The following NUP214 variants were observed in gnomAD, a reference collection of about 807,000 sequenced individuals.
The protein encoded by NUP214 is nucleoporin 214, also known as nuclear pore complex protein Nup214.
A neutral mutation model predicts 196.2 loss-of-function variants in NUP214; 79 were observed. The ratio of observed to expected loss-of-function variants is 0.40; its 90% CI spans 0.34 to 0.49. The LOEUF is 0.49. NUP214 is among the 20% of genes least tolerant of loss of function. The pLI, the probability that NUP214 is intolerant of heterozygous loss-of-function variation, is 0.58. For synonymous variants in NUP214, 1,020 were observed against 990.5 expected (o/e 1.03, Z -0.56); for missense variants, 2,468 against 2,539.0 (o/e 0.97, Z 0.60).
At chr9:131,205,874 G>C (rs1834062734) in intron 30 of NUP214, among the ~76,000 whole-genome samples, 1 of 152,090 alleles carries the variant, frequency 6.6e-6, no homozygotes, top group South Asian at 2.1e-4. Flanking sequence ...GTAGAGACAG[G>C]GTTTCGCCAT....
At chr9:131,150,162 C>T (rs867434370) in intron 14 of NUP214, 162 bp from the exon 15 acceptor site, 8 of 629,752 alleles carry the variant, frequency 1.3e-5, no homozygotes, top group South Asian at 9.4e-5. Flanking sequence ...CTGTCTAGAA[C>T]ATGCCTTACA....
rs148604990 is a variant in NUP214 at position 131,154,037 on chromosome 9, A to T, written c.2436+2143A>T. Among the ~76,000 whole-genome samples the T allele has an allele frequency of 8.5e-5, 13 of 152,362 alleles. No individual in the cohort carries two copies. In the East Asian group the frequency reaches 2.5e-3, roughly 29 times the overall value. The stretch of plus-strand genomic sequence containing the variant: ...ACAATTGGGAGGGCATTCCAAAGAA[A>T]CAGCAGCAGCTAACGCAGAGGTGTG... On this transcript the variant is annotated intron_variant, in intron 17 of 35. Transcript: ENST00000359428.
Position 131,198,759 on chromosome 9 carries a change from C to G in NUP214, c.5265C>G (p.Ala1755=). ...FSQPGFSSVP[A]FGQPASSTPT... ...AGCCTGGGTTCAGTTCCGTGCCTGC[C>G]TTCGGTCAGCCTGCTTCCTCCACTC... Residue 1755 remains alanine (A), a synonymous_variant, in exon 29 of 36, where the codon GCC becomes GCG. Transcript: ENST00000359428. 6.2e-7 allele frequency: 1 copy of G among 1,614,252 alleles called. No homozygotes were observed. Among genetic ancestry groups the G allele is most frequent in the Non-Finnish European group, 8.5e-7 (1 of 1,180,040 alleles).
chr9:131,180,948 A>T (rs1833260756), intron 24 of NUP214, among the ~76,000 whole-genome samples: 1 of 152,244 alleles, frequency 6.6e-6, no homozygotes, highest in African/African-American at 2.4e-5. Context: ...AGACCAAAAA[A>T]ACTAACAGAC....
intron 28 of NUP214, among the ~76,000 whole-genome samples, chr9:131,196,025 T>TCCCTCTCCCCCC (rs1554737949): frequency 2.7e-4 from 1 of 3,668 alleles, no homozygotes; most frequent in African/African-American, 6.6e-4. Context: ...ACTCTGTGTG[T>TCCCTCTCCCCCC]CCCCCCCCCC....
At chr9:131,171,547 CTTTTTTTT>C (rs11334591) in intron 21 of NUP214, among the ~76,000 whole-genome samples, 14 of 127,350 alleles carry the variant, frequency 1.1e-4, no homozygotes, top group African/African-American at 3.0e-4. Flanking sequence ...GGAAGATTTT[CTTTTTTTT>C]TTTTTTTTTT....
At chr9:131,209,917 G>C (rs1456852798) in intron 30 of NUP214, among the ~76,000 whole-genome samples, 1 of 151,746 alleles carries the variant, frequency 6.6e-6, no homozygotes, top group Non-Finnish European at 1.5e-5. Context: ...ACTTCCTCTT[G>C]CCTCCCACCT....
intron 11 of NUP214, among the ~76,000 whole-genome samples, 164 bp downstream of exon 11, chr9:131,140,874 A>G (rs1434039866): frequency 2.0e-5 from 3 of 152,086 alleles, no homozygotes; most frequent in Admixed American, 6.5e-5. Context: ...GCATGTACAT[A>G]TTTGCCTTCC....
At chr9:131,130,425 A>G (rs1426652716) in intron 4 of NUP214, among the ~76,000 whole-genome samples, 5 of 151,846 alleles carry the variant, frequency 3.3e-5, no homozygotes, top group African/African-American at 9.7e-5. Flanking sequence ...GATTACAGGC[A>G]TGAGCCACTG....
Position 131,222,999 on chromosome 9 carries a change from G to A in NUP214, c.5902+69G>A, listed in dbSNP as rs976718963. The A allele has an allele frequency of 1.1e-4, 164 of 1,476,918 alleles. 2 individuals carry two copies. The highest frequency in any genetic ancestry group is 1.4e-4 in the Non-Finnish European group (155 of 1,074,292). The allele number at this position is 1,476,918 out of a possible 1,614,324, so 91.5% of individuals were successfully genotyped here. A position where few individuals can be genotyped will look rare whatever the true frequency, so the allele number is the denominator to read the frequency against. ...TTGTTTATGCATAGATATCTGGAAG[G>A]AGACATCTCTAGGGTGGTTATCTTA... On this transcript the variant is annotated intron_variant, in intron 32 of 35. Transcript: ENST00000359428.
At position 131,197,744 on chromosome 9, in the gene NUP214, C is replaced by T. The variant is rs866952052; in HGVS notation, c.4250C>T (p.Thr1417Ile). 2.5e-6 allele frequency: 4 copies of T among 1,614,228 alleles called. No homozygotes were observed. In the South Asian group the frequency reaches 3.3e-5, roughly 13 times the overall value. ...STAVFGSLPV[T>I]SAGSSGVISF... Reference sequence around the variant, plus strand: ...GCCGTTTTTGGCAGTCTGCCAGTCACCAGTGCAGGATCCTCTGGGGTCATC... The same window carrying T: ...GCCGTTTTTGGCAGTCTGCCAGTCATCAGTGCAGGATCCTCTGGGGTCATC... The change falls in exon 29 of 36, where the codon ACC becomes ATC. Residue 1417 changes from threonine (T) to isoleucine (I), a missense_variant. Thr to Ile is a moderately conservative substitution (Grantham distance 89). Coordinates refer to ENST00000359428, the MANE Select transcript of NUP214 (RefSeq NM_005085.4).
At chr9:131,128,211 G>A (rs1831422344) in intron 2 of NUP214, 121 bp from the exon 3 acceptor site, 2 of 663,052 alleles carry the variant, frequency 3.0e-6, no homozygotes, top group African/African-American at 1.8e-5. Context: ...GTATAACTAG[G>A]TATTGGGGTG....
intron 31 of NUP214, among the ~76,000 whole-genome samples, chr9:131,221,852 C>G (rs1447407083): frequency 6.6e-6 from 1 of 151,366 alleles, no homozygotes; most frequent in African/African-American, 2.4e-5. Flanking sequence ...GCCCACCCCC[C>G]CCAAAAAAAG....
At chr9:131,221,456 A>T (rs1238223429) in intron 31 of NUP214, among the ~76,000 whole-genome samples, 2 of 152,220 alleles carry the variant, frequency 1.3e-5, no homozygotes, top group African/African-American at 4.8e-5. Flanking sequence ...AGAGCATTGC[A>T]TCTGGACGTA....
chr9:131,229,891 C>A, intron 33 of NUP214: 1 of 412,920 alleles, frequency 2.4e-6, no homozygotes, highest in Non-Finnish European at 4.7e-6. Context: ...GATTCTTGCC[C>A]CCAGGTGCTG....
intron 5 of NUP214, among the ~76,000 whole-genome samples, chr9:131,131,692 ATTT>A (rs1289872801): frequency 6.6e-6 from 1 of 151,048 alleles, no homozygotes; most frequent in Non-Finnish European, 1.5e-5. Flanking sequence ...ATTTATTATT[ATTT>A]TTTTTTGAGA....
intron 27 of NUP214, among the ~76,000 whole-genome samples, chr9:131,193,475 A>G (rs1465794602): frequency 6.6e-6 from 1 of 151,808 alleles, no homozygotes; most frequent in African/African-American, 2.4e-5. Context: ...AAAGTAATAC[A>G]TATATTTTTT....
At chr9:131,180,679 C>T (rs1184614310) in intron 24 of NUP214, among the ~76,000 whole-genome samples, 1 of 152,166 alleles carries the variant, frequency 6.6e-6, no homozygotes, top group Non-Finnish European at 1.5e-5. Context: ...TTGCAGTGCT[C>T]CATCGCTTGA....
At chr9:131,181,752 A>G (rs1025570687) in intron 24 of NUP214, among the ~76,000 whole-genome samples, 1 of 152,162 alleles carries the variant, frequency 6.6e-6, no homozygotes, top group African/African-American at 2.4e-5. Context: ...ATGATTTGCA[A>G]ATATTTTCTC....
Sources: allele counts gnomAD v4.1 joint callset (sites outside exome capture counted in the v4.1 genomes callset), GRCh38; gene constraint gnomAD v4.1.1; transcripts MANE v1.5; gene names NCBI Gene and HGNC (gene_info 2026-07-23, HGNC 2026-07-21).